Variants in BBS9 observed in about 807,000 individuals in gnomAD.
The protein encoded by BBS9 is Bardet-Biedl syndrome 9.
A neutral mutation model predicts 117.7 loss-of-function variants in BBS9; 89 were observed. The ratio of observed to expected loss-of-function variants is 0.76; its 90% CI spans 0.64 to 0.90. BBS9 has a LOEUF of 0.90. BBS9 is among the 40% of genes least tolerant of loss of function. The pLI is 0.00. For synonymous variants in BBS9, 379 were observed against 370.9 expected (o/e 1.02, Z -0.25); for missense variants, 982 against 1,042.2 (o/e 0.94, Z 0.80).
intron 5 of BBS9, among the ~76,000 whole-genome samples, chr7:33,250,277 T>A (rs1796024087): frequency 6.6e-6 from 1 of 152,196 alleles, no homozygotes; most frequent in African/African-American, 2.4e-5. Context: ...CTAATAATGC[T>A]GTTTAAATGT....
intron 5 of BBS9, among the ~76,000 whole-genome samples, chr7:33,220,573 T>A (rs1790057288): frequency 6.6e-6 from 1 of 152,270 alleles, no homozygotes; most frequent in South Asian, 2.1e-4. Context: ...TAAGCAGTTT[T>A]GAGCACGCTT....
intron 19 of BBS9, among the ~76,000 whole-genome samples, chr7:33,488,185 T>C (rs1286920724): frequency 2.0e-5 from 3 of 152,196 alleles, no homozygotes; most frequent in African/African-American, 7.2e-5. Context: ...TTTTCTTCTG[T>C]GCTGTCCATC....
intron 15 of BBS9, 35 bp from the exon 16 acceptor site, chr7:33,357,820 A>C: frequency 6.2e-7 from 1 of 1,600,876 alleles, no homozygotes; most frequent in Non-Finnish European, 8.6e-7. Context: ...TTATTTGTCA[A>C]GTCTATGAAT....
At chr7:33,552,069 A>G (rs554430316) in intron 21 of BBS9, among the ~76,000 whole-genome samples, 3 of 152,286 alleles carry the variant, frequency 2.0e-5, no homozygotes, top group African/African-American at 7.2e-5. Context: ...ATTAGATAAC[A>G]TATCTGTAGT....
chr7:33,433,203 A>G (rs1834788779), intron 19 of BBS9, among the ~76,000 whole-genome samples: 1 of 152,216 alleles, frequency 6.6e-6, no homozygotes, highest in South Asian at 2.1e-4. Flanking sequence ...ATAGGCAATT[A>G]AAATTTTGCA....
At chr7:33,460,566 A>C (rs796577577) in intron 19 of BBS9, among the ~76,000 whole-genome samples, 9 of 152,182 alleles carry the variant, frequency 5.9e-5, no homozygotes, top group African/African-American at 2.2e-4. Flanking sequence ...AGAAAAATAC[A>C]AGCAAAATAA....
rs28478218 is a variant in BBS9, at chr7:33,389,540, T to C, written c.2115+1396T>C. On this transcript the variant is annotated intron_variant, in intron 19 of 22. Coordinates refer to ENST00000242067, the MANE Select transcript of BBS9 (RefSeq NM_198428.3). ...CTGTCTCTACTAAAAATTCAAACAA[T>C]TAGCCGGGCATGGTGGCAGGCACCC... Among the ~76,000 whole-genome samples, 1,282 of 151,912 alleles carry C rather than the reference T, an allele frequency of 8.4e-3. 22 individuals are homozygous for C. The highest frequency in any genetic ancestry group is 0.045 in the South Asian group (217 of 4,806).
In BBS9 at chr7:33,591,643, T is replaced by C. The variant is rs1287634218; in HGVS notation, c.2522-13222T>C. On this transcript the variant is annotated intron_variant, in intron 21 of 22. Coordinates refer to ENST00000242067, the MANE Select transcript of BBS9 (RefSeq NM_198428.3). ...ATTTCTCTGTTCCTTGGCTGCCTCC[T>C]ATGTTTAGTAACACTAGATCAGCAG... Among the ~76,000 whole-genome samples, 5 of 152,236 alleles carry C rather than the reference T, an allele frequency of 3.3e-5. No individual in the cohort carries two copies. The East Asian group carries it at 9.7e-4, about 29-fold the overall frequency.
intron 9 of BBS9, among the ~76,000 whole-genome samples, chr7:33,278,577 GC>G (rs1584050657): frequency 6.6e-6 from 1 of 152,232 alleles, no homozygotes; most frequent in East Asian, 1.9e-4. Flanking sequence ...TCAGGAGGTG[GC>G]ATTGCAGATG....
intron 20 of BBS9, among the ~76,000 whole-genome samples, chr7:33,527,739 G>T (rs1049859426): frequency 1.3e-5 from 2 of 152,202 alleles, no homozygotes; most frequent in Non-Finnish European, 2.9e-5. Context: ...CTGTAGACCG[G>T]AGCTGTTTCT....
intron 19 of BBS9, among the ~76,000 whole-genome samples, chr7:33,432,275 ATT>A (rs554909955): frequency 3.5e-5 from 5 of 141,834 alleles, no homozygotes; most frequent in South Asian, 2.3e-4. Context: ...TGCCCGGCTA[ATT>A]TTTTTTTTTT....
intron 4 of BBS9, among the ~76,000 whole-genome samples, chr7:33,174,758 A>G (rs1360311605): frequency 1.3e-5 from 2 of 152,182 alleles, no homozygotes; most frequent in African/African-American, 4.8e-5. Flanking sequence ...TGAAATTTGA[A>G]ATTTCTTTAG....
At chr7:33,373,742 T>C (rs1370659247) in intron 17 of BBS9, among the ~76,000 whole-genome samples, 2 of 152,322 alleles carry the variant, frequency 1.3e-5, no homozygotes, top group East Asian at 1.9e-4. Context: ...TTTAACATGC[T>C]AGGAAGAGTG....
intron 19 of BBS9, among the ~76,000 whole-genome samples, chr7:33,459,147 T>A (rs1248305796): frequency 6.6e-6 from 1 of 152,050 alleles, no homozygotes; most frequent in Non-Finnish European, 1.5e-5. Context: ...CAAAACGAAC[T>A]CCTTTCCATT....
intron 5 of BBS9, among the ~76,000 whole-genome samples, chr7:33,201,352 A>G (rs959241439): frequency 1.3e-5 from 2 of 151,898 alleles, no homozygotes; most frequent in East Asian, 3.9e-4. Context: ...GTTTATTTCC[A>G]TAGACTTTTT....
chr7:33,244,149 G>A (rs2128288857), intron 5 of BBS9, among the ~76,000 whole-genome samples: 1 of 152,298 alleles, frequency 6.6e-6, no homozygotes, highest in African/African-American at 2.4e-5. Flanking sequence ...AGAATTGCCT[G>A]AACCCGGGAG....
chr7:33,147,232 T>C (rs1255070213), intron 2 of BBS9, among the ~76,000 whole-genome samples: 2 of 152,120 alleles, frequency 1.3e-5, no homozygotes, highest in African/African-American at 2.4e-5. Context: ...CTATTTGAAA[T>C]TTGTATTTGG....
rs78432316 is a variant in BBS9 at position 33,574,113 on chromosome 7, C to A, written c.2522-30752C>A. Among the ~76,000 whole-genome samples the A allele has an allele frequency of 3.8e-4, 58 of 152,272 alleles. 1 individual carries two copies. The East Asian group carries it at 0.01, about 27-fold the overall frequency. On this transcript the variant is annotated intron_variant, in intron 21 of 22. Coordinates refer to ENST00000242067, the MANE Select transcript of BBS9 (RefSeq NM_198428.3). Reference sequence around the variant, plus strand: ...TGGTGAGCTGTGACTGGAACCAGATCTCCAAACACATGCTTGTTCCACCTA... The same window carrying A: ...TGGTGAGCTGTGACTGGAACCAGATATCCAAACACATGCTTGTTCCACCTA...
At chr7:33,318,021 C>T (rs1810905434) in intron 9 of BBS9, among the ~76,000 whole-genome samples, 1 of 152,166 alleles carries the variant, frequency 6.6e-6, no homozygotes, top group Non-Finnish European at 1.5e-5. Context: ...CACTGCACTC[C>T]AGCCTGGGCA....
Sources: gnomAD v4.1 joint callset for allele counts (sites outside exome capture counted in the v4.1 genomes callset) on GRCh38, gnomAD v4.1.1 for gene constraint, MANE v1.5 for transcripts, NCBI Gene and HGNC (gene_info 2026-07-23, HGNC 2026-07-21) for gene names.